The following FHOD3 variants were observed in gnomAD, a reference collection of about 807,000 sequenced individuals.
FHOD3 encodes the protein FH1/FH2 domain-containing protein 3.
A neutral mutation model predicts 173.0 loss-of-function variants in FHOD3; 90 were observed. That is an observed-to-expected ratio of 0.52 (90% CI 0.44 to 0.62). The LOEUF is 0.62. Among genes scored for constraint, FHOD3 ranks in the 20% least tolerant of loss-of-function variants. FHOD3 has a pLI of 0.00. For synonymous variants in FHOD3, 828 were observed against 823.0 expected (o/e 1.01, Z -0.10); for missense variants, 1,945 against 2,034.7 (o/e 0.96, Z 0.85).
At chr18:36,630,343 C>T (rs529421169) in intron 10 of FHOD3, among the ~76,000 whole-genome samples, 40 of 152,276 alleles carry the variant, frequency 2.6e-4, no homozygotes, top group Admixed American at 9.1e-4. Flanking sequence ...ACTGGTTACT[C>T]TGGGCTACTA....
rs916381718 is a variant in FHOD3, at chr18:36,612,038, G to T, written c.900G>T (p.Arg300Ser). ...TGGGCATTGCTGCTGTGTCCCAGAG[G>T]CACTTGAACAAGAAAGGGACTGACC... is the stretch of plus-strand genomic sequence containing the variant. ...EELGIAAVSQRHLNKKGTDLD... is the reference protein window; with the variant it reads ...EELGIAAVSQSHLNKKGTDLD... Residue 300 changes from arginine to serine, a missense_variant, in exon 9 of 29, where the codon AGG becomes AGT. Around this residue, in one of 5 missense-constraint regions of FHOD3, gnomAD observed 1,099 missense variants for 1,051.2 expected, o/e 1.05. Transcript: ENST00000590592. 6.2e-7 allele frequency: 1 copy of T among 1,614,034 alleles called. No homozygotes were observed. Among genetic ancestry groups the T allele is most frequent in the African/African-American group, 1.3e-5 (1 of 74,896 alleles).
intron 8 of FHOD3, among the ~76,000 whole-genome samples, chr18:36,605,909 G>T (rs1011357878): frequency 6.6e-6 from 1 of 152,116 alleles, no homozygotes; most frequent in Non-Finnish European, 1.5e-5. Flanking sequence ...TTTTAAAAAT[G>T]GACATTTCCA....
intron 5 of FHOD3, among the ~76,000 whole-genome samples, chr18:36,512,748 T>A (rs1193331659): frequency 1.3e-5 from 2 of 152,218 alleles, no homozygotes; most frequent in Non-Finnish European, 2.9e-5. Flanking sequence ...TAATTTTTAC[T>A]GACTTTCACC....
intron 3 of FHOD3, among the ~76,000 whole-genome samples, chr18:36,385,149 A>G (rs906598311): frequency 2.0e-5 from 3 of 152,250 alleles, no homozygotes; most frequent in Admixed American, 2.0e-4. Flanking sequence ...GGGGAAATAC[A>G]TTGTGGAACT....
At chr18:36,559,703 A>G (rs1401904663) in intron 5 of FHOD3, among the ~76,000 whole-genome samples, 2 of 152,172 alleles carry the variant, frequency 1.3e-5, no homozygotes, top group African/African-American at 4.8e-5. Context: ...GAGTGATGAA[A>G]TCAGCTTAGA....
chr18:36,451,391 G>A (rs1345833355), intron 3 of FHOD3, among the ~76,000 whole-genome samples: 2 of 152,174 alleles, frequency 1.3e-5, no homozygotes, highest in African/African-American at 2.4e-5. Flanking sequence ...GCATCCAATG[G>A]CCAAAAGTCA....
chr18:36,551,328 G>C lies in FHOD3; in HGVS notation c.512-25123G>C, dbSNP rs2147344457. ...TATGTCCCTGACAGATTGGTGTATA[G>C]TTTTCTTTTCTCTAATATCTTTGAT... On this transcript the variant is annotated intron_variant, in intron 5 of 28. Transcript: ENST00000590592. Among the ~76,000 whole-genome samples the C allele has an allele frequency of 1.3e-5, 2 of 152,072 alleles. 1 individual carries two copies. Among genetic ancestry groups the C allele is most frequent in the South Asian group, 4.1e-4 (2 of 4,824 alleles).
intron 15 of FHOD3, among the ~76,000 whole-genome samples, chr18:36,684,004 A>G (rs1364142957): frequency 2.6e-5 from 4 of 152,330 alleles, no homozygotes; most frequent in South Asian, 2.1e-4. Context: ...GAAAGCCACA[A>G]AGAGCCAGGA....
chr18:36,677,044 G>A (rs182742974), intron 14 of FHOD3, among the ~76,000 whole-genome samples: 13 of 151,786 alleles, frequency 8.6e-5, no homozygotes, highest in Admixed American at 7.2e-4. Flanking sequence ...GTTGCTCTTT[G>A]GTCTAAAAAA....
chr18:36,489,863 G>A (rs1158239842), intron 3 of FHOD3, among the ~76,000 whole-genome samples: 1 of 152,118 alleles, frequency 6.6e-6, no homozygotes, highest in African/African-American at 2.4e-5. Flanking sequence ...AGAAAGAGAG[G>A]GAGAAGGGAG....
chr18:36,611,261 G>A (rs1234080033), intron 8 of FHOD3, among the ~76,000 whole-genome samples: 9 of 152,288 alleles, frequency 5.9e-5, no homozygotes, highest in Non-Finnish European at 1.2e-4. Context: ...CTATTGCCAC[G>A]TAACAAATTA....
At chr18:36,579,119 C>T (rs938577524) in intron 6 of FHOD3, among the ~76,000 whole-genome samples, 1 of 152,040 alleles carries the variant, frequency 6.6e-6, no homozygotes, top group African/African-American at 2.4e-5. Context: ...TCTCCTTTTT[C>T]CTTGCTTGTG....
intron 3 of FHOD3, among the ~76,000 whole-genome samples, chr18:36,373,223 G>C (rs2047276832): frequency 6.6e-6 from 1 of 152,208 alleles, no homozygotes. Flanking sequence ...TTGTGGTTCA[G>C]AATGGCTTGC....
chr18:36,297,801 C>G lies in FHOD3; in HGVS notation c.-35C>G. ...GCGTCCCGGCCCGCGGCCCCGCTAA[C>G]CCCGGGGCCCGCGCCCCCGCGGCAG... On this transcript the variant is annotated 5_prime_UTR_variant, in exon 1 of 29. Transcript: ENST00000590592. 1.3e-6 allele frequency: 2 copies of G among 1,488,606 alleles called. No homozygotes were observed. Among genetic ancestry groups the G allele is most frequent in the African/African-American group, 1.5e-5 (1 of 68,212 alleles). The allele number at this position is 1,488,606 out of a possible 1,614,324, so 92.2% of individuals were successfully genotyped here.
At chr18:36,697,787 A>C (rs1302572420) in intron 17 of FHOD3, among the ~76,000 whole-genome samples, 1 of 152,226 alleles carries the variant, frequency 6.6e-6, no homozygotes. Flanking sequence ...CCTGGAAATA[A>C]AATTTAGACA....
At chr18:36,570,738 A>T (rs552177907) in intron 5 of FHOD3, among the ~76,000 whole-genome samples, 1 of 152,306 alleles carries the variant, frequency 6.6e-6, no homozygotes, top group East Asian at 1.9e-4. Flanking sequence ...AGTATAACCT[A>T]CTGCATTAAC....
intron 3 of FHOD3, among the ~76,000 whole-genome samples, chr18:36,438,674 G>T (rs1187713791): frequency 1.3e-5 from 2 of 152,188 alleles, no homozygotes; most frequent in Non-Finnish European, 1.5e-5. Flanking sequence ...AGGTATGGAG[G>T]CCTGTACCTG....
intron 26 of FHOD3, 109 bp from the exon 27 acceptor site, chr18:36,760,499 A>G: frequency 9.4e-7 from 1 of 1,067,866 alleles, no homozygotes; most frequent in South Asian, 2.3e-5. Context: ...GTGTCTGCAA[A>G]CAAAACAAGA....
intron 1 of FHOD3, among the ~76,000 whole-genome samples, chr18:36,304,111 C>G (rs1356615497): frequency 2.0e-5 from 3 of 152,118 alleles, no homozygotes; most frequent in Admixed American, 1.3e-4. Flanking sequence ...TGATTGAATG[C>G]TGATTCAAAT....
Sources: allele counts gnomAD v4.1 joint callset (sites outside exome capture counted in the v4.1 genomes callset), GRCh38; gene constraint gnomAD v4.1.1; regional missense constraint gnomAD v4.1.1; transcripts MANE v1.5; gene names NCBI Gene and HGNC (gene_info 2026-07-23, HGNC 2026-07-21).